Variants in ADGRL3 observed in about 807,000 individuals in gnomAD.
ADGRL3 encodes adhesion G protein-coupled receptor L3, also known as calcium-independent alpha-latrotoxin receptor 3.
Under a neutral mutation model 153.5 loss-of-function variants are expected in ADGRL3, and 62 were observed. The ratio of observed to expected loss-of-function variants is 0.40; its 90% CI spans 0.33 to 0.50. The LOEUF (loss-of-function observed/expected upper bound fraction) is 0.50. Ranked by LOEUF, ADGRL3 falls within the 20% of genes least tolerant of loss-of-function variation. The probability of loss-of-function intolerance (pLI) is 0.47; values close to 1 mark genes in which losing one functional copy is unlikely to be tolerated. For synonymous variants in ADGRL3, 710 were observed against 672.5 expected (o/e 1.06, Z -0.86); for missense variants, 1,641 against 1,859.4 (o/e 0.88, Z 2.16).
chr4:61,449,371 G>A (rs535609629), intron 2 of ADGRL3, among the ~76,000 whole-genome samples: 93 of 151,862 alleles, frequency 6.1e-4, no homozygotes, highest in African/African-American at 2.1e-3. Context: ...TCCTGACCTC[G>A]TAATCTGCCT....
intron 1 of ADGRL3, among the ~76,000 whole-genome samples, chr4:61,349,197 ATCTTG>A (rs1192801845): frequency 6.6e-6 from 1 of 152,070 alleles, no homozygotes; most frequent in East Asian, 1.9e-4. Flanking sequence ...AACATTTTGA[ATCTTG>A]TGAAGTAGCA....
rs180849877 is a variant in ADGRL3, at chr4:61,852,657, T to C, written c.1480+38768T>C. On this transcript the variant is annotated intron_variant, in intron 9 of 26. Coordinates refer to ENST00000683033, the MANE Select transcript of ADGRL3 (RefSeq NM_001387552.1). Reference sequence around the variant, plus strand: ...CAACAAAAAAATTTGTTTTGGAGTGTGAATACCCCAGTTAGTTTATTTAGT... The same window carrying C: ...CAACAAAAAAATTTGTTTTGGAGTGCGAATACCCCAGTTAGTTTATTTAGT... Among the ~76,000 whole-genome samples, 564 of 152,250 alleles carry C rather than the reference T, an allele frequency of 3.7e-3. 2 individuals carry two copies. Among genetic ancestry groups the C allele is most frequent in the Non-Finnish European group, 6.8e-3 (464 of 68,018 alleles).
chr4:62,071,741 T>G lies in ADGRL3; in HGVS notation c.*833T>G. On this transcript the variant is annotated 3_prime_UTR_variant, in exon 27 of 27. Transcript: ENST00000683033. ...TCCTTTCTTCTCTTTCTTCATTTTC[T>G]TTTTTTCTTTTTTGCCTTTTATTCC... is the stretch of plus-strand genomic sequence containing the variant. 1 of 419,260 alleles carries G rather than the reference T, an allele frequency of 2.4e-6. No individual in the cohort carries two copies. The highest frequency in any genetic ancestry group is 4.7e-6 in the Non-Finnish European group (1 of 212,792). The allele number at this position is 419,260 out of a possible 1,614,324, so 26.0% of individuals were successfully genotyped here.
chr4:62,007,419 TATACAC>T (rs2099164555), intron 21 of ADGRL3, among the ~76,000 whole-genome samples: 1 of 112,726 alleles, frequency 8.9e-6, no homozygotes, highest in African/African-American at 3.1e-5. Flanking sequence ...CGTATATATA[TATACAC>T]ATATATATAT....
intron 5 of ADGRL3, among the ~76,000 whole-genome samples, chr4:61,663,788 G>T (rs573368698): frequency 1.3e-4 from 20 of 152,266 alleles, no homozygotes; most frequent in African/African-American, 4.8e-4. Flanking sequence ...AAGTTATGAA[G>T]ACTATGTTTC....
At chr4:61,254,592 TC>T (rs1412969918) in intron 1 of ADGRL3, among the ~76,000 whole-genome samples, 1 of 152,132 alleles carries the variant, frequency 6.6e-6, no homozygotes, top group Non-Finnish European at 1.5e-5. Context: ...TATAGATCCC[TC>T]CTCTTGGGGA....
chr4:61,688,122 T>C lies in ADGRL3; in HGVS notation c.583+11187T>C, dbSNP rs942998436. Reference sequence around the variant, plus strand: ...TTCTTCATACTATATATTATAAATATAAGCTTCCTTCTCTCTATGGCTAAT... The same window carrying C: ...TTCTTCATACTATATATTATAAATACAAGCTTCCTTCTCTCTATGGCTAAT... On this transcript the variant is annotated intron_variant, in intron 6 of 26. Transcript: ENST00000683033. 1.1e-4 allele frequency among the ~76,000 whole-genome samples: 17 copies of C among 152,086 alleles called. 1 individual carries two copies. The highest frequency in any genetic ancestry group is 4.1e-4 in the African/African-American group (17 of 41,434).
intron 5 of ADGRL3, among the ~76,000 whole-genome samples, chr4:61,649,867 A>C (rs965102447): frequency 6.6e-6 from 1 of 152,182 alleles, no homozygotes; most frequent in African/African-American, 2.4e-5. Context: ...CTTGAGTAAC[A>C]ACCCACTTTG....
At chr4:61,428,898 T>TATCTATATC (rs2097318956) in intron 2 of ADGRL3, among the ~76,000 whole-genome samples, 1 of 103,188 alleles carries the variant, frequency 9.7e-6, no homozygotes, top group Non-Finnish European at 2.0e-5. Flanking sequence ...CTATATCATC[T>TATCTATATC]ATCTATCTAT....
At chr4:61,537,475 A>G (rs1054650817) in intron 4 of ADGRL3, among the ~76,000 whole-genome samples, 2 of 152,072 alleles carry the variant, frequency 1.3e-5, no homozygotes, top group African/African-American at 4.8e-5. Context: ...TGTTTTCCAA[A>G]TTGCTTATTT....
intron 1 of ADGRL3, among the ~76,000 whole-genome samples, chr4:61,265,294 T>A (rs1368245622): frequency 6.6e-6 from 1 of 151,988 alleles, no homozygotes; most frequent in Non-Finnish European, 1.5e-5. Flanking sequence ...TGATCTTTAT[T>A]CATCACATTC....
intron 9 of ADGRL3, among the ~76,000 whole-genome samples, chr4:61,849,640 G>A (rs1049046165): frequency 6.6e-6 from 1 of 152,034 alleles, no homozygotes; most frequent in African/African-American, 2.4e-5. Flanking sequence ...ACTATGTGGA[G>A]CATTTAGAAA....
intron 1 of ADGRL3, among the ~76,000 whole-genome samples, chr4:61,381,279 T>G (rs2096663763): frequency 6.8e-6 from 1 of 146,980 alleles, no homozygotes; most frequent in African/African-American, 2.5e-5. Flanking sequence ...ACAGACAGTT[T>G]CCAATAAACA....
intron 8 of ADGRL3, among the ~76,000 whole-genome samples, chr4:61,784,575 T>G (rs1277680052): frequency 6.6e-6 from 1 of 152,118 alleles, no homozygotes; most frequent in African/African-American, 2.4e-5. Flanking sequence ...GTGTGAAAGA[T>G]GAATGCAGTC....
At chr4:61,813,750 T>G in intron 8 of ADGRL3, 59 bp from the exon 9 acceptor site, 6 of 1,592,298 alleles carry the variant, frequency 3.8e-6, no homozygotes, top group Non-Finnish European at 4.3e-6. Context: ...TAAAAACAAT[T>G]TAAAAAGGGA....
intron 1 of ADGRL3, among the ~76,000 whole-genome samples, chr4:61,352,799 G>A (rs1334642430): frequency 3.9e-5 from 6 of 152,126 alleles, no homozygotes; most frequent in African/African-American, 1.4e-4. Context: ...TCCAAGGCCT[G>A]CCCATACTAC....
At chr4:61,219,631 A>G (rs1275121308) in intron 1 of ADGRL3, among the ~76,000 whole-genome samples, 1 of 152,166 alleles carries the variant, frequency 6.6e-6, no homozygotes, top group Non-Finnish European at 1.5e-5. Context: ...AGTTGACTGT[A>G]TTGTTTAAGA....
chr4:61,707,373 C>CA (rs1336736166), intron 6 of ADGRL3, among the ~76,000 whole-genome samples: 5 of 151,538 alleles, frequency 3.3e-5, no homozygotes, highest in South Asian at 2.1e-4. Context: ...CTTCAATTTG[C>CA]AAAAAAAGGC....
At chr4:61,603,074 A>C (rs1181828258) in intron 5 of ADGRL3, among the ~76,000 whole-genome samples, 1 of 152,184 alleles carries the variant, frequency 6.6e-6, no homozygotes. Context: ...AGATTTTTAC[A>C]GAAGGGGGTT....
Sources: allele counts gnomAD v4.1 joint callset (sites outside exome capture counted in the v4.1 genomes callset), GRCh38; gene constraint gnomAD v4.1.1; transcripts MANE v1.5; gene names NCBI Gene and HGNC (gene_info 2026-07-23, HGNC 2026-07-21).